Variants in TNRC18 observed in about 807,000 individuals in gnomAD.
TNRC18 encodes the protein trinucleotide repeat containing 18.
TNRC18 carries 69 observed loss-of-function variants against 226.7 expected under a neutral mutation model. The observed-to-expected ratio is 0.30, with a 90% CI of 0.25 to 0.37. The LOEUF (loss-of-function observed/expected upper bound fraction) is 0.37, where lower values mean the gene tolerates loss of function less well. Among genes scored for constraint, TNRC18 ranks in the 10% least tolerant of loss-of-function variants. The pLI is 1.00. For missense variants in TNRC18, 4,754 were observed against 4,256.6 expected, an observed-to-expected ratio of 1.12 and a Z score of -3.25; for synonymous variants, 2,449 against 1,927.6, an observed-to-expected ratio of 1.27 and a Z score of -7.09.
At chr7:5,328,681 TG>T (rs1789197461) in intron 19 of TNRC18, among the ~76,000 whole-genome samples, 1 of 151,960 alleles carries the variant, frequency 6.6e-6, no homozygotes, top group Non-Finnish European at 1.5e-5. Context: ...GCTACTTTTT[TG>T]TATTTTTTTA....
rs745994247 is a variant in TNRC18, at chr7:5,370,534, C to G, written c.4060G>C (p.Ala1354Pro). 47 of 1,604,334 alleles carry G rather than the reference C, an allele frequency of 2.9e-5. No homozygotes were observed. The highest frequency in any genetic ancestry group is 3.9e-5 in the Non-Finnish European group (46 of 1,175,922). ...GCACCCGGGGAGGGCAGAGGCCTGG[C>G]CTGGGGCAGCTCCGCAGCTGCCGCC... is the stretch of plus-strand genomic sequence containing the variant. ...ALAAAAELPQ[A>P]RPLPSPGAAG... The change falls in exon 11 of 30, where the codon GCC becomes CCC. Residue 1354 changes from alanine (A) to proline (P), a missense_variant. Transcript: ENST00000430969.
At chr7:5,376,776 T>C in intron 8 of TNRC18, 71 bp downstream of exon 8, 4 of 1,555,536 alleles carry the variant, frequency 2.6e-6, no homozygotes, top group Non-Finnish European at 3.5e-6. Context: ...CAGGAAGCCC[T>C]TGGCATCAGA....
rs746661324 is a variant in TNRC18 at position 5,378,030 on chromosome 7, G to C, written c.2153-6C>G. 2 of 1,607,162 alleles carry C rather than the reference G, an allele frequency of 1.2e-6. No homozygotes were observed. The highest frequency in any genetic ancestry group is 8.5e-7 in the Non-Finnish European group (1 of 1,178,774). ...CTCATCTGCTCGGCCGTGCCCTGCA[G>C]GGGGCCAGGTGGAAGTGAGCCCCCA... On this transcript the variant is annotated splice_polypyrimidine_tract_variant and splice_region_variant and intron_variant, in intron 5 of 29. Coordinates refer to ENST00000430969, the MANE Select transcript of TNRC18 (RefSeq NM_001080495.3).
chr7:5,406,093 G>A (rs950065225), intron 2 of TNRC18, among the ~76,000 whole-genome samples: 3 of 152,180 alleles, frequency 2.0e-5, no homozygotes, highest in Non-Finnish European at 2.9e-5. Context: ...TGAAAAGGAA[G>A]GACAATCCGA....
At position 5,361,702 on chromosome 7, in the gene TNRC18, T is replaced by C; in HGVS notation, c.4553A>G (p.His1518Arg). 1 of 1,568,178 alleles carries C rather than the reference T, an allele frequency of 6.4e-7. No individual in the cohort carries two copies. Among genetic ancestry groups the C allele is most frequent in the Non-Finnish European group, 8.6e-7 (1 of 1,157,316 alleles). The change falls in exon 14 of 30, where the codon CAT (histidine) becomes CGT (arginine). Residue 1518 changes from histidine to arginine, a missense_variant. His to Arg is a conservative substitution (Grantham distance 29). Coordinates refer to ENST00000430969, the MANE Select transcript of TNRC18 (RefSeq NM_001080495.3). ...AGGGCCTCTGCGTGCCAAGCTTCTA[T>C]GGGGTTCCTCGCGCCTGTCCCTTAA... is the stretch of plus-strand genomic sequence containing the variant. ...RDSEDRREEPHRSLARRGPGR... is the reference protein window; with the variant it reads ...RDSEDRREEPRRSLARRGPGR...
rs1780034835 is a variant in TNRC18 at position 5,388,824 on chromosome 7, G to C, written c.1000C>G (p.Pro334Ala). ...LLPGPRPCPS[P>A]LPPPPAPPKG... ...GGGGGCGCGGGCGGCGGGGGCAGCG[G>C]TGAGGGGCAGGGGCGCGGCCCAGGG... The change falls in exon 5 of 30, where the codon CCG (proline) becomes GCG (alanine). Residue 334 changes from proline to alanine, a missense_variant. Pro to Ala is a conservative substitution (Grantham distance 27). Coordinates refer to ENST00000430969, the MANE Select transcript of TNRC18 (RefSeq NM_001080495.3). The C allele has an allele frequency of 1.1e-5, 13 of 1,192,460 alleles. No individual in the cohort carries two copies. Among genetic ancestry groups the C allele is most frequent in the Middle Eastern group, 3.5e-4 (1 of 2,890 alleles). 73.9% of individuals were successfully genotyped at this position (1,192,460 alleles called of 1,614,324 possible). A position where few individuals can be genotyped will look rare whatever the true frequency, so the allele number is the denominator to read the frequency against.
Position 5,324,060 on chromosome 7 carries a change from T to C in TNRC18, c.6442+154A>G, listed in dbSNP as rs1788646750. ...AGCTGCAGCCAGTCCAGCCTTCTCA[T>C]CGACCCGGATAACTCAGCCTCAGGA... On this transcript the variant is annotated intron_variant, in intron 21 of 29. Transcript: ENST00000430969. This position sits in a 1 kb window ranked among gnomAD's most constrained non-coding sequence, Gnocchi z 4.8. Among the ~76,000 whole-genome samples the C allele has an allele frequency of 6.6e-6, 1 of 152,178 alleles. No homozygotes were observed. The highest frequency in any genetic ancestry group is 1.5e-5 in the Non-Finnish European group (1 of 68,038).
At chr7:5,310,647 G>A (rs1253816321) in intron 27 of TNRC18, among the ~76,000 whole-genome samples, 5 of 152,150 alleles carry the variant, frequency 3.3e-5, no homozygotes, top group Admixed American at 1.3e-4. Flanking sequence ...TGATCCTCCC[G>A]CCTGGGCCTC....
chr7:5,331,529 C>T (rs952079175), intron 19 of TNRC18, among the ~76,000 whole-genome samples: 3 of 152,202 alleles, frequency 2.0e-5, no homozygotes, highest in Non-Finnish European at 4.4e-5. Flanking sequence ...CCAGCAGCGC[C>T]GGTGAAACCA....
chr7:5,361,155 C>T (rs1305075586), intron 14 of TNRC18, among the ~76,000 whole-genome samples: 1 of 152,304 alleles, frequency 6.6e-6, no homozygotes, highest in Non-Finnish European at 1.5e-5. Flanking sequence ...CCCCAAGTGC[C>T]AGAAGGGGCC....
chr7:5,423,280 T>A (rs1020723621), intron 1 of TNRC18, among the ~76,000 whole-genome samples, 161 bp downstream of exon 1: 7 of 144,106 alleles, frequency 4.9e-5, no homozygotes, highest in African/African-American at 1.5e-4. Flanking sequence ...GGGCGCCCCC[T>A]CCCCGCCGGC....
intron 10 of TNRC18, 137 bp from the exon 11 acceptor site, chr7:5,371,501 T>A (rs1342014593): frequency 3.4e-6 from 4 of 1,168,104 alleles, no homozygotes; most frequent in Admixed American, 3.1e-5. Flanking sequence ...GTGGGAGCTG[T>A]TCTAGGTGGG....
Position 5,324,083 on chromosome 7 carries a change from G to T in TNRC18, c.6442+131C>A. The T allele has an allele frequency of 9.6e-7, 1 of 1,046,344 alleles. No individual in the cohort carries two copies. Among genetic ancestry groups the T allele is most frequent in the Non-Finnish European group, 1.4e-6 (1 of 739,018 alleles). The allele number at this position is 1,046,344 out of a possible 1,614,324, so 64.8% of individuals were successfully genotyped here. A position where few individuals can be genotyped will look rare whatever the true frequency, so the allele number is the denominator to read the frequency against. On this transcript the variant is annotated intron_variant, in intron 21 of 29. Transcript: ENST00000430969. The surrounding 1 kb of genome is among the most constrained non-coding windows in gnomAD (Gnocchi z 4.8). ...CATCGACCCGGATAACTCAGCCTCA[G>T]GATCTCTGCTCCTGTGGTTCCCTGC...
intron 1 of TNRC18, among the ~76,000 whole-genome samples, chr7:5,422,422 C>G (rs972162458): frequency 6.6e-6 from 1 of 151,350 alleles, no homozygotes; most frequent in East Asian, 2.0e-4. Flanking sequence ...TTGGGTAAAT[C>G]CCCCTGTAGT....
chr7:5,396,878 A>G (rs555046080), intron 2 of TNRC18, among the ~76,000 whole-genome samples: 2 of 152,234 alleles, frequency 1.3e-5, no homozygotes, highest in South Asian at 4.2e-4. Flanking sequence ...CTTCTCCCCA[A>G]TAAAGGGCCT....
chr7:5,380,290 T>C (rs1459433608), intron 5 of TNRC18, among the ~76,000 whole-genome samples: 1 of 151,968 alleles, frequency 6.6e-6, no homozygotes, highest in African/African-American at 2.4e-5. Context: ...TACAAAAACA[T>C]AAAAAATTAG....
chr7:5,329,891 G>C (rs73051980), intron 19 of TNRC18: 61,337 of 470,410 alleles, frequency 0.13, 4,608 homozygotes, highest in Non-Finnish European at 0.14. Flanking sequence ...CATCTGAACA[G>C]CTGAATACCC....
chr7:5,376,630 G>C (rs563600452), intron 8 of TNRC18, among the ~76,000 whole-genome samples: 1 of 152,162 alleles, frequency 6.6e-6, no homozygotes, highest in African/African-American at 2.4e-5. Context: ...TGCCTGTCTC[G>C]CTTCTCTTTA....
Position 5,389,125 on chromosome 7 carries a change from C to G in TNRC18, c.699G>C (p.Ser233=), listed in dbSNP as rs772750893. 780 of 1,320,876 alleles carry G rather than the reference C, an allele frequency of 5.9e-4. No homozygotes were observed. Among genetic ancestry groups the G allele is most frequent in the South Asian group, 1.9e-3 (114 of 59,390 alleles). The allele number at this position is 1,320,876 out of a possible 1,614,324, so 81.8% of individuals were successfully genotyped here. Residue 233 remains serine (S), a synonymous_variant, in exon 5 of 30, where the codon TCG becomes TCC. Transcript: ENST00000430969. ...TCAGGTCCACCACGCCCCGTGGCCCCGAGGCCTCCTCGCCCCGGGCGCGCG... is the reference window on the plus strand; with the variant it reads ...TCAGGTCCACCACGCCCCGTGGCCCGGAGGCCTCCTCGCCCCGGGCGCGCG... ...KDPRARGEEA[S]GPRGVVDLTQ... is the part of the protein sequence containing the mutation.
Sources: allele counts gnomAD v4.1 joint callset (sites outside exome capture counted in the v4.1 genomes callset), GRCh38; gene constraint gnomAD v4.1.1; non-coding constraint Gnocchi (gnomAD v3.1); transcripts MANE v1.5; gene names NCBI Gene and HGNC (gene_info 2026-07-23, HGNC 2026-07-21).